INPP4B: variants seen among roughly 807,000 people sequenced by gnomAD.
INPP4B encodes the protein inositol polyphosphate-4-phosphatase type II B, also known as inositol polyphosphate 4-phosphatase type II.
In INPP4B, 55 loss-of-function variants were observed where a neutral mutation model predicts 122.5. The observed-to-expected ratio is 0.45, with a 90% confidence interval of 0.36 to 0.56. The LOEUF is 0.56. Ranked by LOEUF, INPP4B falls within the 20% of genes least tolerant of loss-of-function variation. INPP4B has a pLI of 0.00. For missense variants in INPP4B, 1,000 were observed against 1,097.7 expected, an observed-to-expected ratio of 0.91 and a Z score of 1.26; for synonymous variants, 403 against 388.7, an observed-to-expected ratio of 1.04 and a Z score of -0.43.
At chr4:142,550,804 G>A (rs1294639697) in intron 2 of INPP4B, among the ~76,000 whole-genome samples, 3 of 151,986 alleles carry the variant, frequency 2.0e-5, no homozygotes, top group African/African-American at 7.2e-5. Context: ...TAGGGAGAGA[G>A]ATATGCAAAT....
At chr4:142,441,401 T>C (rs1316639360) in intron 3 of INPP4B, among the ~76,000 whole-genome samples, 1 of 152,140 alleles carries the variant, frequency 6.6e-6, no homozygotes, top group East Asian at 1.9e-4. Flanking sequence ...TCATGCTACC[T>C]AGTAAATTAC....
chr4:142,791,758 C>T (rs907007059), intron 1 of INPP4B, among the ~76,000 whole-genome samples: 9 of 152,064 alleles, frequency 5.9e-5, no homozygotes, highest in Non-Finnish European at 1.2e-4. Flanking sequence ...TTTCTAGAGC[C>T]ACCACCCTCC....
chr4:142,624,356 TA>T (rs1745768030), intron 2 of INPP4B, among the ~76,000 whole-genome samples: 1 of 151,624 alleles, frequency 6.6e-6, no homozygotes, highest in African/African-American at 2.4e-5. Context: ...TTTGGCTGCA[TA>T]AATGTCTTCT....
At chr4:142,711,397 C>CAA (rs1243439073) in intron 2 of INPP4B, among the ~76,000 whole-genome samples, 2 of 152,222 alleles carry the variant, frequency 1.3e-5, no homozygotes, top group Admixed American at 6.5e-5. Context: ...AGATTGAGCA[C>CAA]CACAGTAATT....
At chr4:142,146,051 A>G (rs1810532047) in intron 17 of INPP4B, 55 bp from the exon 18 acceptor site, 2 of 1,561,380 alleles carry the variant, frequency 1.3e-6, no homozygotes, top group Non-Finnish European at 1.7e-6. Flanking sequence ...AAGATAAGGC[A>G]AAGTCGGATA....
Position 142,211,222 on chromosome 4 carries a change from AAG to A in INPP4B, c.837-2198_837-2197del, listed in dbSNP as rs565054051. Among the ~76,000 whole-genome samples, 27 of 152,338 alleles carry A rather than the reference AAG, an allele frequency of 1.8e-4. No individual in the cohort carries two copies. The East Asian group carries it at 3.1e-3, about 17-fold the overall frequency. On this transcript the variant is annotated intron_variant, in intron 12 of 25. Transcript: ENST00000262992. ...ATTGCAAAACAAAATGGGGCAGAGT[AAG>A]AGAGTCACTGCATTTTTTAAAAAGG...
intron 2 of INPP4B, among the ~76,000 whole-genome samples, chr4:142,672,010 C>A (rs1463103422): frequency 1.3e-5 from 2 of 152,066 alleles, no homozygotes; most frequent in East Asian, 3.9e-4. Context: ...AAACATGTAA[C>A]CCTCTGAGTC....
At chr4:142,532,111 G>A (rs72726422) in intron 2 of INPP4B, among the ~76,000 whole-genome samples, 16,601 of 152,130 alleles carry the variant, frequency 0.11, 1,037 homozygotes, top group South Asian at 0.18. Context: ...CAAAGTAGTA[G>A]GAAGGATCCT....
intron 23 of INPP4B, among the ~76,000 whole-genome samples, chr4:142,102,625 C>G (rs1785053154): frequency 6.6e-6 from 1 of 151,986 alleles, no homozygotes; most frequent in East Asian, 1.9e-4. Context: ...TTTCTGTGAC[C>G]TTTTGCTGGA....
intron 2 of INPP4B, among the ~76,000 whole-genome samples, chr4:142,652,895 G>C (rs1213051454): frequency 6.6e-6 from 1 of 152,138 alleles, no homozygotes. Flanking sequence ...AAAAGAGCCT[G>C]CATTGCCAAG....
At chr4:142,378,917 A>G (rs886623965) in intron 7 of INPP4B, among the ~76,000 whole-genome samples, 1 of 152,192 alleles carries the variant, frequency 6.6e-6, no homozygotes, top group Non-Finnish European at 1.5e-5. Context: ...CTTAAATTCA[A>G]AAATGAAAAG....
Position 142,624,792 on chromosome 4 carries a change from T to C in INPP4B, c.-191+101047A>G, listed in dbSNP as rs1055505973. ...AAAAAGCTTATCCAACATGATCAAG[T>C]GGGCTTCATCCCTGGGATGCAAGGC... is the stretch of plus-strand genomic sequence containing the variant. On this transcript the variant is annotated intron_variant, in intron 2 of 25. Transcript: ENST00000262992. Among the ~76,000 whole-genome samples, 4 of 152,170 alleles carry C rather than the reference T, an allele frequency of 2.6e-5. No individual in the cohort carries two copies. In the East Asian group the frequency reaches 5.8e-4, roughly 22 times the overall value.
At chr4:142,840,390 C>A (rs1783333352) in intron 1 of INPP4B, among the ~76,000 whole-genome samples, 1 of 152,122 alleles carries the variant, frequency 6.6e-6, no homozygotes, top group Admixed American at 6.5e-5. Context: ...TTAGAATAAT[C>A]ATAAGTTTTT....
chr4:142,045,479 GT>G (rs1284522232), intron 25 of INPP4B, among the ~76,000 whole-genome samples: 1 of 152,118 alleles, frequency 6.6e-6, no homozygotes, highest in Non-Finnish European at 1.5e-5. Flanking sequence ...TCTACTTAGA[GT>G]TAATAAAGAG....
intron 7 of INPP4B, chr4:142,384,134 G>C: frequency 1.4e-6 from 1 of 701,978 alleles, no homozygotes; most frequent in East Asian, 2.7e-5. Context: ...AGAAAAGTGT[G>C]ATCAGTAAGT....
At chr4:142,815,089 C>T (rs988175297) in intron 1 of INPP4B, among the ~76,000 whole-genome samples, 3 of 152,070 alleles carry the variant, frequency 2.0e-5, no homozygotes, top group Non-Finnish European at 4.4e-5. Context: ...TGGTCTTCCT[C>T]CCAAGAATGC....
chr4:142,438,262 G>T (rs1450327675), intron 3 of INPP4B, among the ~76,000 whole-genome samples: 1 of 152,016 alleles, frequency 6.6e-6, no homozygotes, highest in African/African-American at 2.4e-5. Context: ...CTAAGCAAAA[G>T]AACATAGCTG....
chr4:142,543,776 T>C (rs1008396932), intron 2 of INPP4B, among the ~76,000 whole-genome samples: 1 of 152,172 alleles, frequency 6.6e-6, no homozygotes, highest in African/African-American at 2.4e-5. Flanking sequence ...GTGAAATGTT[T>C]CTGAAATATT....
chr4:142,127,889 G>T (rs1049092908), intron 18 of INPP4B, among the ~76,000 whole-genome samples: 1 of 152,120 alleles, frequency 6.6e-6, no homozygotes, highest in South Asian at 2.1e-4. Flanking sequence ...TGCAGTCAGT[G>T]TAAATCTCAG....
Sources: allele counts gnomAD v4.1 joint callset (sites outside exome capture counted in the v4.1 genomes callset), GRCh38; gene constraint gnomAD v4.1.1; transcripts MANE v1.5; gene names NCBI Gene and HGNC (gene_info 2026-07-23, HGNC 2026-07-21).